The following STIM1 variants were observed in gnomAD, a reference collection of about 807,000 sequenced individuals.
STIM1 encodes stromal interaction molecule 1.
STIM1 carries 25 observed loss-of-function variants against 74.7 expected under a neutral mutation model. The observed-to-expected ratio is 0.33, with a 90% CI of 0.24 to 0.47. The LOEUF is 0.47. Ranked by LOEUF, STIM1 falls within the 20% of genes least tolerant of loss-of-function variation. The probability of loss-of-function intolerance (pLI) is 1.00; values close to 1 mark genes in which losing one functional copy is unlikely to be tolerated. For synonymous variants in STIM1, 328 were observed against 348.8 expected (o/e 0.94, Z 0.66); for missense variants, 728 against 920.8 (o/e 0.79, Z 2.71).
chr11:3,988,093 GA>G (rs2093574290), intron 2 of STIM1, among the ~76,000 whole-genome samples: 1 of 152,170 alleles, frequency 6.6e-6, no homozygotes, highest in Non-Finnish European at 1.5e-5. Context: ...TGGAGTCCTA[GA>G]GGTTTTCCTG....
At chr11:3,965,029 A>G (rs1298135997) in intron 1 of STIM1, among the ~76,000 whole-genome samples, 1 of 152,162 alleles carries the variant, frequency 6.6e-6, no homozygotes, top group Non-Finnish European at 1.5e-5. Flanking sequence ...CCAGCCTTGG[A>G]TTTCTTTCTT....
intron 1 of STIM1, chr11:3,892,612 A>C (rs189195999): frequency 6.2e-7 from 1 of 1,602,862 alleles, no homozygotes; most frequent in East Asian, 2.2e-5. Flanking sequence ...CAGGACCTGT[A>C]TGCTTTAGGA....
chr11:4,083,614 A>G, intron 10 of STIM1, 116 bp downstream of exon 10: 1 of 987,920 alleles, frequency 1.0e-6, no homozygotes. Context: ...AAGATAGTTC[A>G]ACTCATGACC....
intron 2 of STIM1, chr11:3,972,964 C>T (rs1406005941): frequency 1.9e-6 from 1 of 513,066 alleles, no homozygotes; most frequent in Non-Finnish European, 3.9e-6. Context: ...ATTATTGTAG[C>T]TTCCACCACC....
intron 1 of STIM1, among the ~76,000 whole-genome samples, chr11:3,871,158 C>T (rs1042165308): frequency 4.6e-5 from 7 of 152,106 alleles, no homozygotes; most frequent in African/African-American, 9.7e-5. Flanking sequence ...TGAGCCACGA[C>T]GCCCGGCCTC....
chr11:3,869,710 G>A (rs527601595), intron 1 of STIM1, among the ~76,000 whole-genome samples: 21 of 152,214 alleles, frequency 1.4e-4, no homozygotes, highest in Admixed American at 2.6e-4. Context: ...GTCCTTGCAC[G>A]TTTTGACAAG....
intron 9 of STIM1, 34 bp downstream of exon 9, chr11:4,083,016 C>A: frequency 6.4e-7 from 1 of 1,569,810 alleles, no homozygotes; most frequent in South Asian, 1.1e-5. Flanking sequence ...CTGGCAATGT[C>A]CATATCATCC....
chr11:4,068,659 G>A (rs184473755), intron 5 of STIM1, among the ~76,000 whole-genome samples: 8 of 152,242 alleles, frequency 5.3e-5, no homozygotes, highest in African/African-American at 1.9e-4. Context: ...CAGAGAGCCT[G>A]GAATAAACAT....
chr11:3,967,161 G>C (rs553900370), intron 1 of STIM1, among the ~76,000 whole-genome samples: 2 of 152,306 alleles, frequency 1.3e-5, no homozygotes, highest in South Asian at 4.1e-4. Context: ...GTATTTGGCT[G>C]ATTAAAAATA....
intron 5 of STIM1, among the ~76,000 whole-genome samples, chr11:4,062,220 A>G (rs1242989539): frequency 2.0e-5 from 3 of 152,258 alleles, no homozygotes; most frequent in Admixed American, 2.0e-4. Flanking sequence ...CAAAATAAAA[A>G]AGTTTTATAC....
At chr11:3,975,704 A>T (rs1375988470) in intron 2 of STIM1, among the ~76,000 whole-genome samples, 4 of 152,230 alleles carry the variant, frequency 2.6e-5, no homozygotes, top group Admixed American at 6.5e-5. Flanking sequence ...TTGAACAGAG[A>T]CTTCAAAGTA....
At chr11:4,078,644 T>G (rs1590694508) in intron 7 of STIM1, among the ~76,000 whole-genome samples, 1 of 152,014 alleles carries the variant, frequency 6.6e-6, no homozygotes, top group South Asian at 2.1e-4. Context: ...CTCGGCTCAC[T>G]GCAACCTCCG....
At chr11:4,028,074 T>C (rs1001827275) in intron 3 of STIM1, among the ~76,000 whole-genome samples, 7 of 152,202 alleles carry the variant, frequency 4.6e-5, no homozygotes, top group Non-Finnish European at 1.0e-4. Context: ...TGATGCTATC[T>C]GCCAAACAAA....
intron 1 of STIM1, among the ~76,000 whole-genome samples, chr11:3,966,450 A>T (rs2093341586): frequency 6.7e-6 from 1 of 149,722 alleles, no homozygotes; most frequent in Non-Finnish European, 1.5e-5. Flanking sequence ...TAGGTCTTTG[A>T]TTAGTGCCTT....
intron 1 of STIM1, among the ~76,000 whole-genome samples, chr11:3,897,382 A>G (rs376271542): frequency 1.9e-4 from 29 of 152,190 alleles, no homozygotes; most frequent in Non-Finnish European, 2.9e-4. Context: ...GATGGAGAAG[A>G]TGATGTAATT....
At chr11:3,966,204 A>G (rs959725458) in intron 1 of STIM1, among the ~76,000 whole-genome samples, 5 of 152,188 alleles carry the variant, frequency 3.3e-5, no homozygotes, top group African/African-American at 9.6e-5. Flanking sequence ...TTGGGCTCTC[A>G]CTGTGGCTCT....
At chr11:3,883,989 A>G (rs1156549639) in intron 1 of STIM1, among the ~76,000 whole-genome samples, 3 of 152,212 alleles carry the variant, frequency 2.0e-5, no homozygotes, top group African/African-American at 7.2e-5. Context: ...AAGATAGGCA[A>G]TAAACAAGGA....
intron 7 of STIM1, among the ~76,000 whole-genome samples, chr11:4,078,103 A>G (rs913062838): frequency 5.9e-5 from 9 of 152,210 alleles, no homozygotes; most frequent in Non-Finnish European, 7.3e-5. Context: ...TGTGTATAAA[A>G]AAACAATAGA....
intron 1 of STIM1, among the ~76,000 whole-genome samples, chr11:3,858,388 A>G (rs2090469767): frequency 1.3e-5 from 2 of 152,188 alleles, no homozygotes; most frequent in Non-Finnish European, 2.9e-5. Flanking sequence ...AGGCCTACTC[A>G]TGCTCAGTTT....
Sources: allele counts gnomAD v4.1 joint callset (sites outside exome capture counted in the v4.1 genomes callset), GRCh38; gene constraint gnomAD v4.1.1; transcripts MANE v1.5; gene names NCBI Gene and HGNC (gene_info 2026-07-23, HGNC 2026-07-21).